Variants in ATP2C1 observed in about 807,000 individuals in gnomAD.
ATP2C1 encodes the protein ATPase secretory pathway Ca2+ transporting 1, also known as calcium-transporting ATPase type 2C member 1.
In ATP2C1, 31 loss-of-function variants were observed where a neutral mutation model predicts 120.5. The ratio of observed to expected loss-of-function variants is 0.26; its 90% CI spans 0.19 to 0.35. The LOEUF is 0.35. Among genes scored for constraint, ATP2C1 ranks in the 10% least tolerant of loss-of-function variants. ATP2C1 has a pLI of 1.00. For missense variants in ATP2C1, 731 were observed against 1,107.5 expected (o/e 0.66, Z 4.83); for synonymous variants, 351 against 358.7 (o/e 0.98, Z 0.24).
intron 8 of ATP2C1, among the ~76,000 whole-genome samples, chr3:130,953,176 T>C (rs779790986): frequency 2.6e-4 from 39 of 152,076 alleles, no homozygotes; most frequent in Non-Finnish European, 4.7e-4. Context: ...TTCTTTTTTC[T>C]GTATGCTTGG....
At position 130,886,929 on chromosome 3, in the gene ATP2C1, A is replaced by G. The variant is rs893548661; in HGVS notation, c.108+36001A>G. Among the ~76,000 whole-genome samples the G allele has an allele frequency of 1.2e-4, 19 of 152,198 alleles. No individual in the cohort carries two copies. In the East Asian group the frequency reaches 3.5e-3, roughly 28 times the overall value. On this transcript the variant is annotated intron_variant, in intron 1 of 26. Coordinates refer to the ATP2C1 transcript ENST00000504381. ...GTGTCTAAGCATTGAAATGTTAGGTATTTATTGTAGTCTTCACAGTCTGGA... is the reference window on the plus strand; with the variant it reads ...GTGTCTAAGCATTGAAATGTTAGGTGTTTATTGTAGTCTTCACAGTCTGGA...
At chr3:130,956,927 TA>T (rs373444158) in intron 11 of ATP2C1, among the ~76,000 whole-genome samples, 2 of 152,326 alleles carry the variant, frequency 1.3e-5, no homozygotes, top group African/African-American at 4.8e-5. Flanking sequence ...AAGCTTTTTA[TA>T]TGACTAGATT....
chr3:130,881,346 TCTCCTC>T (rs370373600), intron 1 of ATP2C1, among the ~76,000 whole-genome samples: 22,737 of 151,048 alleles, frequency 0.15, 1,920 homozygotes, highest in Middle Eastern at 0.24. Flanking sequence ...TTCTTCTTCT[TCTCCTC>T]CTCCTCCTCC....
intron 14 of ATP2C1, among the ~76,000 whole-genome samples, chr3:130,966,024 A>C (rs184715638): frequency 6.6e-6 from 1 of 152,188 alleles, no homozygotes; most frequent in African/African-American, 2.4e-5. Context: ...GTCTAATCCT[A>C]CTCAGTCTAT....
intron 2 of ATP2C1, among the ~76,000 whole-genome samples, chr3:130,929,245 A>G (rs2059352502): frequency 1.3e-5 from 2 of 152,336 alleles, no homozygotes; most frequent in South Asian, 2.1e-4. Context: ...TACTTTTTAC[A>G]TAAATAAGAT....
chr3:130,918,515 G>C, intron 2 of ATP2C1: 1 of 759,504 alleles, frequency 1.3e-6, no homozygotes. Flanking sequence ...ATGTGAGGCT[G>C]AACACTCTGG....
At chr3:130,867,800 A>G (rs1207127023) in intron 1 of ATP2C1, among the ~76,000 whole-genome samples, 5 of 103,746 alleles carry the variant, frequency 4.8e-5, no homozygotes, top group South Asian at 8.2e-4. Flanking sequence ...CAGTCTGGAA[A>G]GTGAGGAGCG....
intron 8 of ATP2C1, among the ~76,000 whole-genome samples, chr3:130,947,811 A>G (rs187906324): frequency 1.5e-4 from 23 of 150,660 alleles, no homozygotes; most frequent in Non-Finnish European, 3.1e-4. Context: ...TTTTTGATGT[A>G]CCTTTTTTAT....
At chr3:130,904,380 A>T (rs2058029921) in intron 2 of ATP2C1, among the ~76,000 whole-genome samples, 1 of 151,794 alleles carries the variant, frequency 6.6e-6, no homozygotes, top group African/African-American at 2.4e-5. Context: ...AATGTTACTG[A>T]CACTTTTGAA....
chr3:131,015,156 C>G (rs2063540933), intron 26 of ATP2C1: 2 of 697,530 alleles, frequency 2.9e-6, no homozygotes, highest in African/African-American at 3.5e-5. Flanking sequence ...ATTAACAACA[C>G]TGTTTACTGC....
chr3:130,910,938 G>C (rs1024298684), intron 2 of ATP2C1, among the ~76,000 whole-genome samples: 8 of 124,456 alleles, frequency 6.4e-5, no homozygotes, highest in African/African-American at 2.5e-4. Context: ...GCCCGGCTTT[G>C]GTATCAGAAT....
chr3:130,865,265 A>G (rs988792282), intron 1 of ATP2C1, among the ~76,000 whole-genome samples: 1 of 152,124 alleles, frequency 6.6e-6, no homozygotes, highest in Non-Finnish European at 1.5e-5. Context: ...AATTTCTTCC[A>G]TTTGGAATGG....
intron 13 of ATP2C1, 50 bp downstream of exon 13, chr3:130,964,145 C>T (rs1202798280): frequency 1.2e-6 from 2 of 1,603,084 alleles, no homozygotes; most frequent in Admixed American, 3.4e-5. Context: ...AAGTTTATGT[C>T]AATAGTGAAT....
At chr3:130,942,432 T>G (rs2059964197) in intron 8 of ATP2C1, among the ~76,000 whole-genome samples, 1 of 152,244 alleles carries the variant, frequency 6.6e-6, no homozygotes, top group Non-Finnish European at 1.5e-5. Context: ...GCACCTAGTT[T>G]AACAGGCTTT....
chr3:130,936,816 C>CAAAAAAAAAAAAAAAAAAAAAAAAAAAA (rs34156218), intron 5 of ATP2C1, among the ~76,000 whole-genome samples: 1 of 77,958 alleles, frequency 1.3e-5, no homozygotes. Flanking sequence ...GACTCTGTCT[C>CAAAAAAAAAAAAAAAAAAAAAAAAAAAA]AAAAAAAAAA....
At chr3:131,011,469 GA>G (rs2063314492) in intron 26 of ATP2C1, among the ~76,000 whole-genome samples, 1 of 152,224 alleles carries the variant, frequency 6.6e-6, no homozygotes, top group Non-Finnish European at 1.5e-5. Context: ...AACTGAATTA[GA>G]AAGAGCAGGA....
At chr3:130,876,555 G>A (rs1192866031) in intron 1 of ATP2C1, among the ~76,000 whole-genome samples, 1 of 152,134 alleles carries the variant, frequency 6.6e-6, no homozygotes, top group Admixed American at 6.5e-5. Flanking sequence ...ATACAGTGAT[G>A]CATCCAGGTT....
At chr3:130,945,759 C>T (rs1223144245) in intron 8 of ATP2C1, among the ~76,000 whole-genome samples, 1 of 152,048 alleles carries the variant, frequency 6.6e-6, no homozygotes, top group African/African-American at 2.4e-5. Flanking sequence ...TTAATCCAGT[C>T]TATCATTGAA....
intron 8 of ATP2C1, among the ~76,000 whole-genome samples, chr3:130,944,316 T>C (rs992189089): frequency 1.1e-4 from 16 of 152,364 alleles, no homozygotes; most frequent in Non-Finnish European, 2.9e-5. Flanking sequence ...GGTACAACTT[T>C]TATCTTCATA....
Sources: allele counts gnomAD v4.1 joint callset (sites outside exome capture counted in the v4.1 genomes callset), GRCh38; gene constraint gnomAD v4.1.1; transcripts MANE v1.5; gene names NCBI Gene and HGNC (gene_info 2026-07-23, HGNC 2026-07-21).